The following DSCAM variants were observed in gnomAD, a reference collection of about 807,000 sequenced individuals.
DSCAM encodes DS cell adhesion molecule.
In DSCAM, 47 loss-of-function variants were observed where a neutral mutation model predicts 217.7. The ratio of observed to expected loss-of-function variants is 0.22; its 90% CI spans 0.17 to 0.28. The LOEUF (loss-of-function observed/expected upper bound fraction) is 0.28, where lower values mean the gene tolerates loss of function less well. Among genes scored for constraint, DSCAM ranks in the 10% least tolerant of loss-of-function variants. The probability of loss-of-function intolerance (pLI) is 1.00; values close to 1 mark genes in which losing one functional copy is unlikely to be tolerated. For synonymous variants in DSCAM, 1,056 were observed against 1,015.3 expected, an observed-to-expected ratio of 1.04 and a Z score of -0.76; for missense variants, 2,080 against 2,618.3, an observed-to-expected ratio of 0.79 and a Z score of 4.49.
chr21:40,100,600 A>C, intron 20 of DSCAM, among the ~76,000 whole-genome samples: 1 of 150,846 alleles, frequency 6.6e-6, no homozygotes, highest in South Asian at 2.1e-4. Context: ...TTCGCCTGAT[A>C]TATCAGCTGG....
In DSCAM at chr21:40,306,281, T is replaced by C. The variant is rs1472908590; in HGVS notation, c.2062+5800A>G. On this transcript the variant is annotated intron_variant, in intron 9 of 32. Transcript: ENST00000400454. ...TATATAAGAATGCTTGTGATTTTTGTACATTGATTTTGTATCCTGAGACTT... is the reference window on the plus strand; with the variant it reads ...TATATAAGAATGCTTGTGATTTTTGCACATTGATTTTGTATCCTGAGACTT... 1.1e-4 allele frequency among the ~76,000 whole-genome samples: 16 copies of C among 148,016 alleles called. No individual in the cohort carries two copies. The South Asian group carries it at 2.3e-3, about 22-fold the overall frequency.
At chr21:40,345,409 A>G (rs187474006) in intron 6 of DSCAM, among the ~76,000 whole-genome samples, 5 of 152,224 alleles carry the variant, frequency 3.3e-5, no homozygotes, top group African/African-American at 1.2e-4. Context: ...TCAAATGTCT[A>G]TATATACTTT....
chr21:40,318,417 A>G (rs886795137), intron 8 of DSCAM, among the ~76,000 whole-genome samples: 1 of 152,056 alleles, frequency 6.6e-6, no homozygotes, highest in Non-Finnish European at 1.5e-5. Context: ...TGGCAGGGAC[A>G]AGAGTGAAGC....
intron 3 of DSCAM, among the ~76,000 whole-genome samples, chr21:40,513,971 C>CT (rs1311251994): frequency 2.6e-5 from 4 of 152,272 alleles, no homozygotes; most frequent in African/African-American, 9.6e-5. Context: ...ATTTTCAAGG[C>CT]TTTGCACTCA....
At chr21:40,475,175 G>C (rs2075923313) in intron 3 of DSCAM, among the ~76,000 whole-genome samples, 1 of 152,224 alleles carries the variant, frequency 6.6e-6, no homozygotes. Flanking sequence ...GATTGTGAAG[G>C]TGCATTAGCA....
chr21:40,575,840 G>A lies in DSCAM; in HGVS notation c.508+116970C>T, dbSNP rs2076845883. Among the ~76,000 whole-genome samples the A allele has an allele frequency of 2.0e-5, 3 of 151,750 alleles. 1 individual carries two copies. The South Asian group carries it at 6.2e-4, about 32-fold the overall frequency. ...CCAAGAAAAATTAGGCAAATGACCTGAATTGTCACTTCCCAGAAGAAGACA... is the reference window on the plus strand; with the variant it reads ...CCAAGAAAAATTAGGCAAATGACCTAAATTGTCACTTCCCAGAAGAAGACA... On this transcript the variant is annotated intron_variant, in intron 3 of 32. Coordinates refer to ENST00000400454, the MANE Select transcript of DSCAM (RefSeq NM_001389.5).
chr21:40,182,167 G>T (rs2146809403), intron 14 of DSCAM, among the ~76,000 whole-genome samples: 1 of 152,286 alleles, frequency 6.6e-6, no homozygotes, highest in Middle Eastern at 3.4e-3. Context: ...GTGACTGAAA[G>T]TTCTGGAGGT....
chr21:40,824,395 T>C (rs1157501886), intron 1 of DSCAM, among the ~76,000 whole-genome samples: 2 of 146,078 alleles, frequency 1.4e-5, no homozygotes, highest in Non-Finnish European at 3.0e-5. Context: ...ATCCCATTTT[T>C]ATTATTGATT....
intron 14 of DSCAM, among the ~76,000 whole-genome samples, chr21:40,181,321 A>T (rs1254671308): frequency 6.6e-6 from 1 of 152,104 alleles, no homozygotes; most frequent in Non-Finnish European, 1.5e-5. Context: ...GGCACATTGG[A>T]AACACCTTGG....
chr21:40,035,110 C>T (rs1165400666), intron 32 of DSCAM, among the ~76,000 whole-genome samples: 9 of 22,130 alleles, frequency 4.1e-4, no homozygotes, highest in African/African-American at 1.7e-3. Flanking sequence ...CATCAACTAA[C>T]GAGCAAAATA....
At chr21:40,316,925 C>T (rs984465981) in intron 8 of DSCAM, among the ~76,000 whole-genome samples, 1 of 152,100 alleles carries the variant, frequency 6.6e-6, no homozygotes, top group Admixed American at 6.6e-5. Context: ...AGAGAAGAGG[C>T]GTATAAGACT....
At chr21:40,278,504 G>C (rs375373036) in intron 10 of DSCAM, among the ~76,000 whole-genome samples, 2 of 152,104 alleles carry the variant, frequency 1.3e-5, no homozygotes, top group South Asian at 2.1e-4. Flanking sequence ...AGACCAGGGT[G>C]GGGGCAAGAC....
chr21:40,193,452 C>G (rs1483369250), intron 11 of DSCAM, among the ~76,000 whole-genome samples: 1 of 152,128 alleles, frequency 6.6e-6, no homozygotes, highest in Non-Finnish European at 1.5e-5. Context: ...GGCCTATGAA[C>G]AAGAAAATAT....
chr21:40,508,769 ATATATATATATATATTTT>A (rs1218847118), intron 3 of DSCAM, among the ~76,000 whole-genome samples: 4 of 3,814 alleles, frequency 1.0e-3, no homozygotes, highest in African/African-American at 3.9e-3. Context: ...ATATATATAT[ATATATATATATATATTTT>A]TTTTTTTTTT....
chr21:40,452,396 T>C (rs2075727687), intron 3 of DSCAM, among the ~76,000 whole-genome samples: 1 of 152,098 alleles, frequency 6.6e-6, no homozygotes, highest in Non-Finnish European at 1.5e-5. Flanking sequence ...AGGAAACGTG[T>C]GCATCGGGAC....
chr21:40,804,646 C>T (rs901620591), intron 1 of DSCAM, among the ~76,000 whole-genome samples: 5 of 152,168 alleles, frequency 3.3e-5, no homozygotes, highest in East Asian at 1.9e-4. Flanking sequence ...TTTTCGACTA[C>T]TTATCTGTTC....
At chr21:40,640,022 G>A (rs1031808569) in intron 3 of DSCAM, among the ~76,000 whole-genome samples, 2 of 152,058 alleles carry the variant, frequency 1.3e-5, no homozygotes, top group Non-Finnish European at 1.5e-5. Context: ...CTGAGCTAGC[G>A]CCATGCACAG....
intron 3 of DSCAM, among the ~76,000 whole-genome samples, chr21:40,514,254 C>G (rs797012745): frequency 7.9e-5 from 12 of 152,334 alleles, no homozygotes; most frequent in African/African-American, 2.9e-4. Context: ...GCTCAATTTA[C>G]AATTCCTGGA....
rs541924394 is a variant in DSCAM at position 40,289,968 on chromosome 21, G to GA, written c.2182+6086dup. ...TGGCAGAGCTGGAGAGAAAGAAGGA[G>GA]AAAAAATATAAACTCACAGCAGTGA... On this transcript the variant is annotated intron_variant, in intron 10 of 32. Transcript: ENST00000400454. Among the ~76,000 whole-genome samples, 124 of 152,156 alleles carry GA rather than the reference G, an allele frequency of 8.1e-4. No homozygotes were observed. In the South Asian group the frequency reaches 8.9e-3, roughly 11 times the overall value.
Sources: allele counts gnomAD v4.1 joint callset (sites outside exome capture counted in the v4.1 genomes callset), GRCh38; gene constraint gnomAD v4.1.1; transcripts MANE v1.5; gene names NCBI Gene and HGNC (gene_info 2026-07-23, HGNC 2026-07-21).